PELI2: variants seen among roughly 807,000 people sequenced by gnomAD.
PELI2 encodes pellino E3 ubiquitin protein ligase family member 2.
In PELI2, 23 loss-of-function variants were observed where a neutral mutation model predicts 42.3. The ratio of observed to expected loss-of-function variants is 0.54; its 90% CI spans 0.39 to 0.77. PELI2 has a LOEUF of 0.77. PELI2 is among the 30% of genes least tolerant of loss of function. The pLI is 0.00. For missense variants in PELI2, 463 were observed against 553.2 expected (o/e 0.84, Z 1.64); for synonymous variants, 245 against 212.2 (o/e 1.15, Z -1.34).
At position 56,297,952 on chromosome 14, in the gene PELI2, TTAAAAA is replaced by T. The variant is rs1412281047; in HGVS notation, c.*787_*792del. Reference sequence around the variant, plus strand: ...TTGGTTGATTAAAATACATCAGCTCTTAAAAACTCATTAACTGAGGGTAATTACAGT... The same window carrying T: ...TTGGTTGATTAAAATACATCAGCTCTCTCATTAACTGAGGGTAATTACAGT... On this transcript the variant is annotated 3_prime_UTR_variant, in exon 6 of 6. Coordinates refer to ENST00000267460, the MANE Select transcript of PELI2 (RefSeq NM_021255.3). 6.6e-6 allele frequency: 1 copy of T among 152,186 alleles called. No individual in the cohort carries two copies. Among genetic ancestry groups the T allele is most frequent in the African/African-American group, 2.4e-5 (1 of 41,462 alleles). The allele number at this position is 152,186 out of a possible 1,614,324, so 9.4% of individuals were successfully genotyped here. A position where few individuals can be genotyped will look rare whatever the true frequency, so the allele number is the denominator to read the frequency against.
intron 2 of PELI2, among the ~76,000 whole-genome samples, chr14:56,195,600 T>A (rs1258554352): frequency 1.0e-3 from 152 of 152,222 alleles, no homozygotes; most frequent in Non-Finnish European, 2.8e-4. Context: ...ATCTTTTCAC[T>A]TACGAATAGT....
intron 2 of PELI2, among the ~76,000 whole-genome samples, chr14:56,214,792 G>T (rs1255773471): frequency 6.6e-6 from 1 of 152,186 alleles, no homozygotes; most frequent in African/African-American, 2.4e-5. Flanking sequence ...AGTGGGGAAA[G>T]GCTGATTGGA....
chr14:56,277,849 C>A (rs76592304), intron 2 of PELI2, among the ~76,000 whole-genome samples: 20,167 of 152,184 alleles, frequency 0.13, 1,712 homozygotes, highest in Middle Eastern at 0.21. Flanking sequence ...GAGGGCTGCT[C>A]CCCAGACATC....
chr14:56,231,421 A>G (rs557545778), intron 2 of PELI2, among the ~76,000 whole-genome samples: 49 of 152,316 alleles, frequency 3.2e-4, no homozygotes, highest in Admixed American at 1.6e-3. Flanking sequence ...TCAGACCACA[A>G]TGCAATCAAA....
At chr14:56,154,086 T>C (rs961346502) in intron 1 of PELI2, among the ~76,000 whole-genome samples, 10 of 152,228 alleles carry the variant, frequency 6.6e-5, no homozygotes, top group African/African-American at 2.4e-4. Flanking sequence ...ATAATTAAAT[T>C]ACCCATTTCT....
At chr14:56,203,426 T>C (rs758928416) in intron 2 of PELI2, among the ~76,000 whole-genome samples, 8 of 152,116 alleles carry the variant, frequency 5.3e-5, no homozygotes, top group Non-Finnish European at 1.0e-4. Context: ...AATATACATA[T>C]CTTTTTCTCT....
intron 2 of PELI2, among the ~76,000 whole-genome samples, chr14:56,201,709 A>G (rs1020779580): frequency 5.9e-5 from 9 of 152,216 alleles, no homozygotes; most frequent in Admixed American, 1.3e-4. Context: ...CAGTTGCACC[A>G]TAGTTTACCA....
intron 1 of PELI2, among the ~76,000 whole-genome samples, chr14:56,140,225 AG>A (rs150307288): frequency 0.017 from 2,654 of 152,300 alleles, 80 homozygotes; most frequent in African/African-American, 0.061. Flanking sequence ...GAATGTCGTC[AG>A]GACTTGTAAA....
chr14:56,151,443 T>C (rs1294048437), intron 1 of PELI2, among the ~76,000 whole-genome samples: 1 of 152,220 alleles, frequency 6.6e-6, no homozygotes, highest in Non-Finnish European at 1.5e-5. Context: ...ACATTACTTA[T>C]TGTAAGTGTT....
intron 2 of PELI2, among the ~76,000 whole-genome samples, chr14:56,181,412 G>C (rs956110003): frequency 6.9e-6 from 1 of 145,252 alleles, no homozygotes; most frequent in Non-Finnish European, 1.5e-5. Flanking sequence ...TAAATGTCAT[G>C]GTACTTGGCA....
intron 2 of PELI2, among the ~76,000 whole-genome samples, chr14:56,272,332 C>T (rs780084222): frequency 5.9e-5 from 9 of 152,206 alleles, no homozygotes; most frequent in Non-Finnish European, 8.8e-5. Flanking sequence ...AATGCAGATG[C>T]GAGCATGCAC....
intron 2 of PELI2, among the ~76,000 whole-genome samples, chr14:56,260,910 T>C (rs1294723983): frequency 6.6e-6 from 1 of 152,184 alleles, no homozygotes; most frequent in African/African-American, 2.4e-5. Context: ...AGCCATGTAT[T>C]TTGAAGAAAA....
At chr14:56,235,428 G>A (rs1447338396) in intron 2 of PELI2, among the ~76,000 whole-genome samples, 1 of 152,208 alleles carries the variant, frequency 6.6e-6, no homozygotes, top group East Asian at 1.9e-4. Context: ...GCTCACTCCC[G>A]TGAACTCCAG....
intron 2 of PELI2, among the ~76,000 whole-genome samples, chr14:56,256,073 A>G (rs1888516741): frequency 6.6e-6 from 1 of 152,154 alleles, no homozygotes. Flanking sequence ...AAGTAATTTC[A>G]TCTTAACTCC....
Position 56,299,864 on chromosome 14 carries a change from C to T in PELI2, c.*2698C>T, listed in dbSNP as rs1374927256. 2 of 152,180 alleles carry T rather than the reference C, an allele frequency of 1.3e-5. No homozygotes were observed. The highest frequency in any genetic ancestry group is 2.9e-5 in the Non-Finnish European group (2 of 68,006). 9.4% of individuals were successfully genotyped at this position (152,180 alleles called of 1,614,324 possible). ...AGTAAAAGTCCCAGTGATGTATTCC[C>T]ATAGAAATATTTTTCAGTTGTTTAT... On this transcript the variant is annotated 3_prime_UTR_variant, in exon 6 of 6. Coordinates refer to ENST00000267460, the MANE Select transcript of PELI2 (RefSeq NM_021255.3).
At chr14:56,237,535 T>C (rs866245157) in intron 2 of PELI2, among the ~76,000 whole-genome samples, 3 of 152,088 alleles carry the variant, frequency 2.0e-5, no homozygotes, top group South Asian at 4.2e-4. Flanking sequence ...AATCTCCCTT[T>C]CCCATGTGGC....
At chr14:56,276,199 G>C (rs1028226675) in intron 2 of PELI2, among the ~76,000 whole-genome samples, 1 of 152,156 alleles carries the variant, frequency 6.6e-6, no homozygotes, top group Non-Finnish European at 1.5e-5. Flanking sequence ...TTGATCTCAG[G>C]TTTAAACTCT....
rs77816799 is a variant in PELI2 at position 56,215,972 on chromosome 14, A to T, written c.207+37508A>T. ...ATATCACATTTAAGCTAATAATATGATTTTATTTTTATCTGGGAAATACAT... is the reference window on the plus strand; with the variant it reads ...ATATCACATTTAAGCTAATAATATGTTTTTATTTTTATCTGGGAAATACAT... On this transcript the variant is annotated intron_variant, in intron 2 of 5. Transcript: ENST00000267460. 7.0e-3 allele frequency among the ~76,000 whole-genome samples: 1,063 copies of T among 152,310 alleles called. 18 individuals are homozygous for T. The highest frequency in any genetic ancestry group is 0.024 in the African/African-American group (992 of 41,560).
chr14:56,141,211 A>G (rs941515918), intron 1 of PELI2, among the ~76,000 whole-genome samples: 7 of 152,192 alleles, frequency 4.6e-5, no homozygotes, highest in African/African-American at 7.2e-5. Flanking sequence ...TTTGATTCAT[A>G]ATGAAAATGC....
Sources: gnomAD v4.1 joint callset for allele counts (sites outside exome capture counted in the v4.1 genomes callset) on GRCh38, gnomAD v4.1.1 for gene constraint, MANE v1.5 for transcripts, NCBI Gene and HGNC (gene_info 2026-07-23, HGNC 2026-07-21) for gene names.